The following EBF1 variants were observed in gnomAD, a reference collection of about 807,000 sequenced individuals.
The protein encoded by EBF1 is EBF transcription factor 1.
Under a neutral mutation model 68.4 loss-of-function variants are expected in EBF1, and 10 were observed. The ratio of observed to expected loss-of-function variants is 0.15; its 90% CI spans 0.09 to 0.25. EBF1 has a LOEUF of 0.25. Among genes scored for constraint, EBF1 ranks in the 10% least tolerant of loss-of-function variants. The pLI, the probability that EBF1 is intolerant of heterozygous loss-of-function variation, is 1.00. For synonymous variants in EBF1, 298 were observed against 299.8 expected (o/e 0.99, Z 0.06); for missense variants, 509 against 794.4 (o/e 0.64, Z 4.32).
chr5:158,848,848 G>C (rs529431821), intron 6 of EBF1, among the ~76,000 whole-genome samples: 2 of 152,338 alleles, frequency 1.3e-5, no homozygotes, highest in East Asian at 3.9e-4. Context: ...GGAGGTGACA[G>C]ATGTCAGAGA....
At chr5:158,875,654 G>A (rs1365600186) in intron 6 of EBF1, among the ~76,000 whole-genome samples, 2 of 152,162 alleles carry the variant, frequency 1.3e-5, no homozygotes, top group Non-Finnish European at 2.9e-5. Flanking sequence ...ACCAAAGGAT[G>A]TGCACAGCTG....
At chr5:159,073,662 C>A in intron 5 of EBF1, 198 bp from the exon 6 acceptor site, 1 of 572,582 alleles carries the variant, frequency 1.7e-6, no homozygotes, top group South Asian at 2.3e-5. Context: ...CCTCTCCCTG[C>A]TCAAAGAAGG....
rs1419414261 is a variant in EBF1, at chr5:159,083,699, G to A, written c.485+967C>T. Among the ~76,000 whole-genome samples the A allele has an allele frequency of 2.0e-5, 3 of 152,338 alleles. No individual in the cohort carries two copies. The East Asian group carries it at 5.8e-4, about 29-fold the overall frequency. ...GCAAATAAAGCCCATCCATGCTGAG[G>A]CAGCAGCTGAAGCCCTAAACGGATT... is the stretch of plus-strand genomic sequence containing the variant. On this transcript the variant is annotated intron_variant, in intron 5 of 15. Coordinates refer to ENST00000313708, the MANE Select transcript of EBF1 (RefSeq NM_024007.5).
chr5:158,984,402 T>C (rs1426820302), intron 6 of EBF1, among the ~76,000 whole-genome samples: 1 of 152,178 alleles, frequency 6.6e-6, no homozygotes, highest in Non-Finnish European at 1.5e-5. Flanking sequence ...CTTTGCTTAT[T>C]ATATAAGCAC....
At chr5:158,916,802 T>C (rs540961705) in intron 6 of EBF1, among the ~76,000 whole-genome samples, 1 of 152,322 alleles carries the variant, frequency 6.6e-6, no homozygotes, top group Non-Finnish European at 1.5e-5. Flanking sequence ...TGGACCACCA[T>C]GACTGCTAGA....
At chr5:158,749,660 T>A (rs1334460645) in intron 10 of EBF1, among the ~76,000 whole-genome samples, 1 of 152,080 alleles carries the variant, frequency 6.6e-6, no homozygotes, top group Admixed American at 6.6e-5. Context: ...GAGTTTAGGA[T>A]TTGGGGAAAA....
chr5:159,084,839 G>C, intron 4 of EBF1, 100 bp from the exon 5 acceptor site: 1 of 985,122 alleles, frequency 1.0e-6, no homozygotes, highest in Non-Finnish European at 1.4e-6. Flanking sequence ...ACTACTGAAG[G>C]CCAAATTAGC....
At chr5:158,842,239 T>A (rs1453905092) in intron 6 of EBF1, among the ~76,000 whole-genome samples, 1 of 152,232 alleles carries the variant, frequency 6.6e-6, no homozygotes, top group African/African-American at 2.4e-5. Flanking sequence ...AGAAGGCAAG[T>A]GCTGGGTAGC....
At chr5:158,892,366 G>C (rs1031188167) in intron 6 of EBF1, among the ~76,000 whole-genome samples, 4 of 152,118 alleles carry the variant, frequency 2.6e-5, no homozygotes, top group Admixed American at 2.6e-4. Flanking sequence ...GTGCACACCT[G>C]TAACCCCAGC....
chr5:159,090,935 G>A (rs1330152595), intron 4 of EBF1, among the ~76,000 whole-genome samples: 1 of 152,068 alleles, frequency 6.6e-6, no homozygotes, highest in Non-Finnish European at 1.5e-5. Flanking sequence ...TTCAAGGTAG[G>A]TGCTAACATT....
intron 6 of EBF1, among the ~76,000 whole-genome samples, chr5:159,062,121 C>T (rs774785155): frequency 6.6e-6 from 1 of 152,316 alleles, no homozygotes; most frequent in Admixed American, 6.5e-5. Context: ...GGACGACTCA[C>T]GGCCTCTCAA....
intron 6 of EBF1, among the ~76,000 whole-genome samples, chr5:158,960,829 C>T (rs918304891): frequency 2.6e-5 from 4 of 152,170 alleles, no homozygotes; most frequent in African/African-American, 7.2e-5. Flanking sequence ...CAATCAGCCC[C>T]GGAAAGGCCT....
rs1403879969 is a variant in EBF1, at chr5:158,800,468, TC to T, written c.779-3994del. On this transcript the variant is annotated intron_variant, in intron 8 of 15. Coordinates refer to ENST00000313708, the MANE Select transcript of EBF1 (RefSeq NM_024007.5). ...ATATATTTGTATGATTTAAATTTTT[TC>T]AATGTGTACAAATAAGGTACTATGT... is the stretch of plus-strand genomic sequence containing the variant. 3.9e-5 allele frequency among the ~76,000 whole-genome samples: 6 copies of T among 152,286 alleles called. No individual in the cohort carries two copies. The East Asian group carries it at 1.2e-3, about 29-fold the overall frequency.
intron 10 of EBF1, among the ~76,000 whole-genome samples, chr5:158,759,113 A>C (rs1023068406): frequency 1.3e-5 from 2 of 152,344 alleles, no homozygotes; most frequent in East Asian, 3.9e-4. Context: ...TGTACCATAC[A>C]TCTCACAATT....
intron 6 of EBF1, among the ~76,000 whole-genome samples, chr5:158,943,998 C>G (rs549075956): frequency 6.6e-6 from 1 of 152,194 alleles, no homozygotes; most frequent in South Asian, 2.1e-4. Flanking sequence ...CATCAAAGCA[C>G]TCCAAGCAGC....
At chr5:158,917,046 A>G (rs1256351292) in intron 6 of EBF1, among the ~76,000 whole-genome samples, 1 of 152,166 alleles carries the variant, frequency 6.6e-6, no homozygotes, top group Non-Finnish European at 1.5e-5. Context: ...GGCACTCTTC[A>G]CTAGTGTCCT....
chr5:158,829,354 T>G (rs1582304799), intron 7 of EBF1, among the ~76,000 whole-genome samples: 1 of 151,114 alleles, frequency 6.6e-6, no homozygotes, highest in East Asian at 1.9e-4. Context: ...TTTTTTTTTT[T>G]GTATTTTTTT....
At chr5:158,718,716 T>C (rs1439075432) in intron 11 of EBF1, among the ~76,000 whole-genome samples, 1 of 152,200 alleles carries the variant, frequency 6.6e-6, no homozygotes, top group East Asian at 1.9e-4. Context: ...CATCAGAGCC[T>C]GGCTCTTGAA....
At chr5:158,935,321 C>T (rs1414952012) in intron 6 of EBF1, among the ~76,000 whole-genome samples, 1 of 152,174 alleles carries the variant, frequency 6.6e-6, no homozygotes, top group Non-Finnish European at 1.5e-5. Flanking sequence ...TCCAGAGGCA[C>T]CAAGGAGCTG....
Sources: allele counts gnomAD v4.1 joint callset (sites outside exome capture counted in the v4.1 genomes callset), GRCh38; gene constraint gnomAD v4.1.1; transcripts MANE v1.5; gene names NCBI Gene and HGNC (gene_info 2026-07-23, HGNC 2026-07-21).